Variants in RABGAP1L observed in about 807,000 individuals in gnomAD.
RABGAP1L encodes the protein RAB GTPase activating protein 1 like.
RABGAP1L carries 63 observed loss-of-function variants against 137.7 expected under a neutral mutation model. That is an observed-to-expected ratio of 0.46 (90% CI 0.37 to 0.56). The LOEUF (loss-of-function observed/expected upper bound fraction) is 0.56. Ranked by LOEUF, RABGAP1L falls within the 20% of genes least tolerant of loss-of-function variation. RABGAP1L has a pLI of 0.00. For missense variants in RABGAP1L, 1,095 were observed against 1,244.0 expected (o/e 0.88, Z 1.80); for synonymous variants, 431 against 433.7 (o/e 0.99, Z 0.08).
intron 10 of RABGAP1L, among the ~76,000 whole-genome samples, chr1:174,302,537 A>G (rs1293598831): frequency 6.6e-6 from 1 of 152,222 alleles, no homozygotes; most frequent in Non-Finnish European, 1.5e-5. Context: ...CTCTTGATAA[A>G]TCTGTTTTCC....
intron 18 of RABGAP1L, among the ~76,000 whole-genome samples, chr1:174,785,163 C>T (rs1277565050): frequency 6.6e-6 from 1 of 152,168 alleles, no homozygotes; most frequent in Non-Finnish European, 1.5e-5. Context: ...CTGCCGGGTT[C>T]AAGCAATTCT....
intron 18 of RABGAP1L, among the ~76,000 whole-genome samples, chr1:174,790,997 C>T (rs1687813272): frequency 6.6e-6 from 1 of 151,958 alleles, no homozygotes. Context: ...TCGAGACCAG[C>T]CTGGCCAACA....
chr1:174,403,237 G>A (rs1558204378), intron 13 of RABGAP1L, among the ~76,000 whole-genome samples: 1 of 127,460 alleles, frequency 7.8e-6, no homozygotes, highest in African/African-American at 3.8e-5. Flanking sequence ...GTGTGTGTGT[G>A]TGTGTGTGTG....
chr1:174,426,032 T>A (rs184583795), intron 13 of RABGAP1L, among the ~76,000 whole-genome samples: 2 of 152,124 alleles, frequency 1.3e-5, no homozygotes, highest in East Asian at 3.9e-4. Context: ...AGTGATACAG[T>A]TTTGCTATTT....
At chr1:174,673,812 G>C (rs992896924) in intron 14 of RABGAP1L, among the ~76,000 whole-genome samples, 1 of 152,142 alleles carries the variant, frequency 6.6e-6, no homozygotes, top group Admixed American at 6.6e-5. Flanking sequence ...GCTGAAGTCT[G>C]AAAGGCTGAA....
At chr1:174,645,599 T>A (rs1179225827) in intron 14 of RABGAP1L, among the ~76,000 whole-genome samples, 2 of 152,182 alleles carry the variant, frequency 1.3e-5, no homozygotes, top group Non-Finnish European at 1.5e-5. Flanking sequence ...TGTGCCACAT[T>A]TTCTTTATCC....
At chr1:174,629,591 C>T (rs781114030) in intron 13 of RABGAP1L, among the ~76,000 whole-genome samples, 7 of 152,156 alleles carry the variant, frequency 4.6e-5, no homozygotes, top group East Asian at 3.9e-4. Context: ...GGCACGATCT[C>T]GGCTCACTGC....
At chr1:174,640,795 A>T (rs78314517) in intron 14 of RABGAP1L, among the ~76,000 whole-genome samples, 13,539 of 151,804 alleles carry the variant, frequency 0.089, 821 homozygotes, top group East Asian at 0.22. Flanking sequence ...ATAGCGTTCA[A>T]ATAAAGCTAT....
At chr1:174,417,804 CA>C (rs1300275609) in intron 13 of RABGAP1L, among the ~76,000 whole-genome samples, 3 of 151,426 alleles carry the variant, frequency 2.0e-5, no homozygotes, top group Non-Finnish European at 4.4e-5. Context: ...TTACAGTTAA[CA>C]TAGAAGTCTA....
intron 1 of RABGAP1L, among the ~76,000 whole-genome samples, chr1:174,196,052 G>T (rs1043032150): frequency 6.6e-6 from 1 of 151,132 alleles, no homozygotes; most frequent in Non-Finnish European, 1.5e-5. Flanking sequence ...AGCCAGGATG[G>T]TCTGGGTCTC....
At chr1:174,851,660 G>A (rs1326896794) in intron 19 of RABGAP1L, among the ~76,000 whole-genome samples, 4 of 150,704 alleles carry the variant, frequency 2.7e-5, no homozygotes, top group Non-Finnish European at 4.4e-5. Flanking sequence ...CTACAGACAC[G>A]CACCACCATG....
At chr1:174,384,371 C>G (rs1022768264) in intron 12 of RABGAP1L, among the ~76,000 whole-genome samples, 26 of 151,760 alleles carry the variant, frequency 1.7e-4, no homozygotes, top group African/African-American at 6.3e-4. Flanking sequence ...GTGCATTTGT[C>G]AAATCTCACA....
chr1:174,217,753 A>G (rs1669448137), intron 1 of RABGAP1L, among the ~76,000 whole-genome samples: 1 of 152,210 alleles, frequency 6.6e-6, no homozygotes, highest in Non-Finnish European at 1.5e-5. Flanking sequence ...ACACTGGTCC[A>G]GGAGTATGGT....
chr1:174,345,525 T>G (rs1293865565), intron 11 of RABGAP1L, among the ~76,000 whole-genome samples: 2 of 152,166 alleles, frequency 1.3e-5, no homozygotes, highest in Admixed American at 1.3e-4. Flanking sequence ...AGTTAATTCA[T>G]AGGTATTTAA....
intron 18 of RABGAP1L, among the ~76,000 whole-genome samples, chr1:174,809,446 G>A (rs756956028): frequency 6.6e-6 from 1 of 152,104 alleles, no homozygotes; most frequent in Non-Finnish European, 1.5e-5. Flanking sequence ...TGAGAATGTA[G>A]GATTCCTCAT....
chr1:174,539,592 T>C (rs997903929), intron 13 of RABGAP1L, among the ~76,000 whole-genome samples: 1 of 152,216 alleles, frequency 6.6e-6, no homozygotes. Context: ...GGTTTCCAGC[T>C]TCATCCATGT....
At chr1:174,700,671 G>A (rs908561877) in intron 16 of RABGAP1L, 1 of 159,654 alleles carries the variant, frequency 6.3e-6, no homozygotes, top group Non-Finnish European at 1.4e-5. Context: ...ATAAAAGGAG[G>A]CAGGGATGTA....
chr1:174,573,300 T>A (rs973266876), intron 13 of RABGAP1L, among the ~76,000 whole-genome samples: 46 of 151,128 alleles, frequency 3.0e-4, no homozygotes, highest in African/African-American at 1.1e-3. Context: ...TATGTGTGTA[T>A]ATATATATAT....
intron 11 of RABGAP1L, among the ~76,000 whole-genome samples, chr1:174,330,417 C>A (rs1680934219): frequency 6.6e-6 from 1 of 151,828 alleles, no homozygotes; most frequent in Admixed American, 6.6e-5. Context: ...TTGTCTCTAC[C>A]AAAATAAAAA....
Sources: allele counts gnomAD v4.1 joint callset (sites outside exome capture counted in the v4.1 genomes callset), GRCh38; gene constraint gnomAD v4.1.1; transcripts MANE v1.5; gene names NCBI Gene and HGNC (gene_info 2026-07-23, HGNC 2026-07-21).